Variants in ACAN observed in about 807,000 individuals in gnomAD.
ACAN encodes the protein aggrecan core protein.
A neutral mutation model predicts 169.1 loss-of-function variants in ACAN; 47 were observed. The ratio of observed to expected loss-of-function variants is 0.28; its 90% confidence interval spans 0.22 to 0.35. ACAN has a LOEUF of 0.35. Among genes scored for constraint, ACAN ranks in the 10% least tolerant of loss-of-function variants. ACAN has a pLI of 1.00. For synonymous variants in ACAN, 1,115 were observed against 1,112.2 expected, an observed-to-expected ratio of 1.00 and a Z score of -0.05; for missense variants, 2,716 against 2,759.9, an observed-to-expected ratio of 0.98 and a Z score of 0.36.
At chr15:88,847,060 G>T (rs1042129832) in intron 7 of ACAN, among the ~76,000 whole-genome samples, 183 bp from the exon 8 acceptor site, 1 of 152,204 alleles carries the variant, frequency 6.6e-6, no homozygotes, top group Non-Finnish European at 1.5e-5. Flanking sequence ...GCAGGGGAGG[G>T]GCAGATGGAC....
chr15:88,873,921 G>T lies in ACAN; in HGVS notation c.7527G>T (p.Leu2509=). The change falls in exon 18 of 19, where the codon CTG becomes CTT. Residue 2509 remains leucine (L), a synonymous_variant. Coordinates refer to ENST00000560601, the MANE Select transcript of ACAN (RefSeq NM_001369268.1). The surrounding 1 kb of genome is among the most constrained non-coding windows in gnomAD (Gnocchi z 7.5). The part of the protein sequence containing the change: ...QKKDRYEINS[L]VRYQCTEGFV... ...AGGACCGGTATGAGATCAATTCCCT[G>T]GTGCGGTACCAGTGCACAGAGGGGT... The T allele has an allele frequency of 6.2e-7, 1 of 1,613,794 alleles. No individual in the cohort carries two copies. The highest frequency in any genetic ancestry group is 8.5e-7 in the Non-Finnish European group (1 of 1,179,896).
chr15:88,819,090 T>C (rs1896011152), intron 1 of ACAN, among the ~76,000 whole-genome samples: 1 of 152,158 alleles, frequency 6.6e-6, no homozygotes, highest in African/African-American at 2.4e-5. Context: ...TGCTCTGGCA[T>C]CCTGTTGGGA....
At chr15:88,812,656 G>A (rs796929942) in intron 1 of ACAN, among the ~76,000 whole-genome samples, 1 of 151,966 alleles carries the variant, frequency 6.6e-6, no homozygotes, top group South Asian at 2.1e-4. Context: ...AAGTTCAAAT[G>A]TCACCTCCTC....
At position 88,866,745 on chromosome 15, in the gene ACAN, T is replaced by A. The variant is rs1897286369; in HGVS notation, c.6947-1471T>A. 6.6e-6 allele frequency among the ~76,000 whole-genome samples: 1 copy of A among 152,202 alleles called. No individual in the cohort carries two copies. Among genetic ancestry groups the A allele is most frequent in the Admixed American group, 6.5e-5 (1 of 15,280 alleles). ...GTCTACTATGCACCAGCGTAAGGAC[T>A]CAGAGGAAACCGCCTTTACCATCTC... On this transcript the variant is annotated intron_variant, in intron 13 of 18. Transcript: ENST00000560601. The surrounding 1 kb of genome is among the most constrained non-coding windows in gnomAD (Gnocchi z 5.6).
In ACAN at chr15:88,838,664, C is replaced by A. The variant is rs571206900; in HGVS notation, c.72C>A (p.Asp24Glu). The part of the protein sequence containing the change: ...ITAAVTVETS[D>E]HDNSLSVSIP... ...TTCTACCCCACCTCTCCCACACAGA[C>A]CATGACAACTCGCTGAGTGTCAGCA... is the stretch of plus-strand genomic sequence containing the variant. The change falls in exon 3 of 19, where the codon GAC becomes GAA. Residue 24 changes from aspartate to glutamate, a missense_variant and splice_region_variant. Asp to Glu is a conservative substitution (Grantham distance 45). Transcript: ENST00000560601. The surrounding 1 kb of genome is among the most constrained non-coding windows in gnomAD (Gnocchi z 5.1). 87 of 1,578,298 alleles carry A rather than the reference C, an allele frequency of 5.5e-5. No individual in the cohort carries two copies. The Admixed American group carries it at 1.5e-3, about 26-fold the overall frequency.
rs3825994 is a variant in ACAN, at chr15:88,858,384, T to G, written c.5799T>G (p.Thr1933=). The change falls in exon 12 of 19, where the codon ACT becomes ACG. Residue 1933 remains threonine, a synonymous_variant. Transcript: ENST00000560601. The surrounding 1 kb of genome is among the most constrained non-coding windows in gnomAD (Gnocchi z 4.0). ...YGSGTPSSFP[T]VSLVDRTLVE... ...GTGGAACTCCATCTAGTTTCCCCAC[T>G]GTCTCTCTTGTAGACAGAACTTTGG... is the stretch of plus-strand genomic sequence containing the variant. 0.7 allele frequency: 1,130,025 copies of G among 1,613,542 alleles called. 404,785 individuals are homozygous for G. The highest frequency in any genetic ancestry group is 0.75 in the Non-Finnish European group (887,457 of 1,179,830).
rs1463120908 is a variant in ACAN at position 88,857,685 on chromosome 15, G to A, written c.5100G>A (p.Leu1700=). The A allele has an allele frequency of 1.9e-6, 3 of 1,614,038 alleles. No individual in the cohort carries two copies. In the African/African-American group the frequency reaches 4.0e-5, roughly 22 times the overall value. ...GEISGLPSSE[L]DISGRASGLP... ...TATCTGGACTGCCCTCCAGTGAGCT[G>A]GACATTAGTGGGAGAGCTAGTGGAC... The change falls in exon 12 of 19, where the codon CTG becomes CTA. Residue 1700 remains leucine (L), a synonymous_variant. Transcript: ENST00000560601.
chr15:88,839,991 G>GGGCGTGTAT lies in ACAN; in HGVS notation c.455-19_455-11dup. The GGGCGTGTAT allele has an allele frequency of 6.3e-7, 1 of 1,586,060 alleles. No homozygotes were observed. The highest frequency in any genetic ancestry group is 8.6e-7 in the Non-Finnish European group (1 of 1,164,834). On this transcript the variant is annotated intron_variant, in intron 3 of 18. Transcript: ENST00000560601. The surrounding 1 kb of genome is among the most constrained non-coding windows in gnomAD (Gnocchi z 4.5). ...GTGCCTGACCAGCTCTTCCGCTTGT[G>GGGCGTGTAT]GGCGTGTATGTGTCTTGCAGGCATC... is the stretch of plus-strand genomic sequence containing the variant.
At chr15:88,810,086 G>C (rs1430270989) in intron 1 of ACAN, among the ~76,000 whole-genome samples, 2 of 152,164 alleles carry the variant, frequency 1.3e-5, no homozygotes, top group African/African-American at 4.8e-5. Flanking sequence ...ATTATGCAGA[G>C]GGGGAGGCTG....
At position 88,859,039 on chromosome 15, in the gene ACAN, A is replaced by T. The variant is rs1471024295; in HGVS notation, c.6454A>T (p.Ser2152Cys). The T allele has an allele frequency of 6.2e-7, 1 of 1,613,962 alleles. No homozygotes were observed. Among genetic ancestry groups the T allele is most frequent in the Non-Finnish European group, 8.5e-7 (1 of 1,179,886 alleles). ...ERSSGLGVSG[S>C]TLTFQEGEAS... ...ATCCTCTGGCCTAGGAGTGAGCGGC[A>T]GCACTTTGACATTTCAAGAAGGCGA... Residue 2152 changes from serine (S) to cysteine (C), a missense_variant, in exon 12 of 19, where the codon AGC becomes TGC. Physicochemically the swap from Ser to Cys is moderately radical, Grantham distance 112 (BLOSUM62 -1). Around this residue, in one of 3 missense-constraint regions of ACAN, gnomAD observed 1,389 missense variants for 1,363.7 expected, o/e 1.02. Transcript: ENST00000560601.
intron 1 of ACAN, among the ~76,000 whole-genome samples, chr15:88,810,004 G>C (rs1480598759): frequency 1.3e-5 from 2 of 152,198 alleles, no homozygotes; most frequent in African/African-American, 4.8e-5. Flanking sequence ...AAGCTTTCCT[G>C]AACTTCTATT....
Position 88,857,294 on chromosome 15 carries a change from C to T in ACAN, c.4709C>T (p.Pro1570Leu), listed in dbSNP as rs373706146. The change falls in exon 12 of 19, where the codon CCT becomes CTT. Residue 1570 changes from proline (P) to leucine (L), a missense_variant. Physicochemically the swap from Pro to Leu is moderately conservative, Grantham distance 98. Transcript: ENST00000560601. ...SEVGTDLSGL[P>L]SGREGLETSA... ...GTAGGGACTGACCTCAGTGGGCTTC[C>T]TTCTGGAAGGGAGGGTCTAGAGACT... 1.9e-5 allele frequency: 30 copies of T among 1,613,584 alleles called. No homozygotes were observed. The African/African-American group carries it at 3.2e-4, about 17-fold the overall frequency.
chr15:88,859,805 A>T (rs1897155476), intron 12 of ACAN, among the ~76,000 whole-genome samples: 1 of 152,208 alleles, frequency 6.6e-6, no homozygotes, highest in Non-Finnish European at 1.5e-5. Context: ...TAGTGCTAGA[A>T]ATTCTGCTCA....
Position 88,874,449 on chromosome 15 carries a change from C to T in ACAN, c.7675C>T (p.Pro2559Ser), listed in dbSNP as rs1156317911. 6.2e-7 allele frequency: 1 copy of T among 1,607,174 alleles called. No individual in the cohort carries two copies. The highest frequency in any genetic ancestry group is 8.5e-7 in the Non-Finnish European group (1 of 1,177,280). Residue 2559 changes from proline (P) to serine (S), a missense_variant, in exon 19 of 19, where the codon CCT becomes TCT. By Grantham distance (74) the Pro-to-Ser change is moderately conservative. Coordinates refer to ENST00000560601, the MANE Select transcript of ACAN (RefSeq NM_001369268.1). This position sits in a 1 kb window ranked among gnomAD's most constrained non-coding sequence, Gnocchi z 7.3. ...ACTACAGAAGCGGAGCTCACGGCACCCTCGGAGGAGCCGCCCCAGCACAGC... is the reference window on the plus strand; with the variant it reads ...ACTACAGAAGCGGAGCTCACGGCACTCTCGGAGGAGCCGCCCCAGCACAGC... ...RRLQKRSSRHPRRSRPSTAH is the reference protein window; with the variant it reads ...RRLQKRSSRHSRRSRPSTAH
At chr15:88,848,512 A>C (rs1255772012) in intron 9 of ACAN, among the ~76,000 whole-genome samples, 1 of 152,226 alleles carries the variant, frequency 6.6e-6, no homozygotes, top group Non-Finnish European at 1.5e-5. Context: ...TGATTGCTCT[A>C]GCCCAGGAGT....
chr15:88,843,711 A>C lies in ACAN; in HGVS notation c.1051+63A>C. 5 of 1,499,784 alleles carry C rather than the reference A, an allele frequency of 3.3e-6. No homozygotes were observed. Among genetic ancestry groups the C allele is most frequent in the Non-Finnish European group, 4.5e-6 (5 of 1,122,548 alleles). The allele number at this position is 1,499,784 out of a possible 1,614,324, so 92.9% of individuals were successfully genotyped here. On this transcript the variant is annotated intron_variant, in intron 6 of 18. Coordinates refer to ENST00000560601, the MANE Select transcript of ACAN (RefSeq NM_001369268.1). The surrounding 1 kb of genome is among the most constrained non-coding windows in gnomAD (Gnocchi z 4.0). ...ACTAAAATGGGGTCCTAGAGGGAAG[A>C]GGGGATCTTGGAAAGGGAGGGTTGG... is the stretch of plus-strand genomic sequence containing the variant.
intron 6 of ACAN, 74 bp from the exon 7 acceptor site, chr15:88,845,431 T>C: frequency 1.3e-6 from 2 of 1,524,034 alleles, no homozygotes; most frequent in South Asian, 2.6e-5. Flanking sequence ...CATGCTCATC[T>C]CCAGCCCACT....
rs1482202192 is a variant in ACAN, at chr15:88,874,013, C to T, written c.7619C>T (p.Thr2540Ile). ...PSGHWEEPQI[T>I]CTDPTTYKRR... is the part of the protein sequence containing the mutation. ...GGGCACTGGGAGGAGCCTCAGATCA[C>T]CTGCACAGACCGTGAGCATCACCCC... The change falls in exon 18 of 19, where the codon ACC becomes ATC. Residue 2540 changes from threonine (T) to isoleucine (I), a missense_variant. Transcript: ENST00000560601. This position sits in a 1 kb window ranked among gnomAD's most constrained non-coding sequence, Gnocchi z 7.3. 2.5e-6 allele frequency: 4 copies of T among 1,610,820 alleles called. No homozygotes were observed. The highest frequency in any genetic ancestry group is 3.4e-6 in the Non-Finnish European group (4 of 1,179,758).
chr15:88,830,882 C>T (rs1380462725), intron 1 of ACAN, among the ~76,000 whole-genome samples: 2 of 152,120 alleles, frequency 1.3e-5, no homozygotes, highest in Non-Finnish European at 2.9e-5. Context: ...ACGGCTGCAG[C>T]ATCACCAGGT....
Sources: gnomAD v4.1 joint callset for allele counts (sites outside exome capture counted in the v4.1 genomes callset) on GRCh38, gnomAD v4.1.1 for gene constraint, gnomAD v4.1.1 regional missense constraint, Gnocchi (gnomAD v3.1) non-coding constraint, MANE v1.5 for transcripts, NCBI Gene and HGNC (gene_info 2026-07-23, HGNC 2026-07-21) for gene names.